The following IL34 variants were observed in gnomAD, a reference collection of about 807,000 sequenced individuals.
The protein encoded by IL34 is interleukin 34.
In IL34, 17 loss-of-function variants were observed where a neutral mutation model predicts 25.3. That is an observed-to-expected ratio of 0.67 (90% confidence interval 0.46 to 1.01). The LOEUF is 1.01. Among genes scored for constraint, IL34 ranks in the 50% least tolerant of loss-of-function variants. IL34 has a pLI of 0.00. For missense variants in IL34, 368 were observed against 312.9 expected (o/e 1.18, Z -1.33); for synonymous variants, 174 against 140.9 (o/e 1.23, Z -1.66).
chr16:70,582,948 G>T (rs1024178129), intron 1 of IL34, among the ~76,000 whole-genome samples: 1 of 152,180 alleles, frequency 6.6e-6, no homozygotes, highest in Admixed American at 6.6e-5. Flanking sequence ...AAGCCGAGTT[G>T]AGTTTGGAGA....
At chr16:70,619,709 A>G (rs1040916345) in intron 1 of IL34, among the ~76,000 whole-genome samples, 44 of 152,202 alleles carry the variant, frequency 2.9e-4, no homozygotes, top group Admixed American at 2.4e-3. Context: ...TTTCGAGGCG[A>G]TCGGGCAGTG....
chr16:70,650,931 A>T (rs759612052), intron 1 of IL34, among the ~76,000 whole-genome samples: 12 of 152,214 alleles, frequency 7.9e-5, no homozygotes, highest in Admixed American at 2.6e-4. Context: ...TGCGTTATGG[A>T]TTCACACACA....
At chr16:70,592,131 C>T (rs1435343527) in intron 1 of IL34, among the ~76,000 whole-genome samples, 1 of 151,708 alleles carries the variant, frequency 6.6e-6, no homozygotes, top group African/African-American at 2.4e-5. Flanking sequence ...CATACTGGGT[C>T]ACTCCATAGC....
At position 70,660,635 on chromosome 16, in the gene IL34, G is replaced by T. The variant is rs1053426620; in HGVS notation, c.*448G>T. 1.8e-5 allele frequency: 3 copies of T among 164,996 alleles called. No homozygotes were observed. Among genetic ancestry groups the T allele is most frequent in the East Asian group, 3.6e-4 (2 of 5,624 alleles). The allele number at this position is 164,996 out of a possible 1,614,324, so 10.2% of individuals were successfully genotyped here. On this transcript the variant is annotated 3_prime_UTR_variant, in exon 6 of 6. Coordinates refer to ENST00000288098, the MANE Select transcript of IL34 (RefSeq NM_001393494.1). The stretch of plus-strand genomic sequence containing the variant: ...CCAAGTGCCACATCTTGCCATAGTG[G>T]ATGCTCTTCCAGTTTCTTTTTTCTA...
At chr16:70,608,932 G>A (rs2051050681) in intron 1 of IL34, among the ~76,000 whole-genome samples, 1 of 152,148 alleles carries the variant, frequency 6.6e-6, no homozygotes. Flanking sequence ...GGTTCCAATT[G>A]TGCTTCCCTT....
intron 1 of IL34, among the ~76,000 whole-genome samples, chr16:70,626,932 T>C (rs1364300598): frequency 3.3e-5 from 5 of 152,226 alleles, no homozygotes; most frequent in Non-Finnish European, 7.3e-5. Context: ...TTAGTTTCTC[T>C]TTCTGTTCAT....
At chr16:70,650,944 C>T (rs772308969) in intron 1 of IL34, among the ~76,000 whole-genome samples, 5 of 152,272 alleles carry the variant, frequency 3.3e-5, no homozygotes, top group Non-Finnish European at 7.3e-5. Context: ...CACACACAGG[C>T]TCACGCCTGT....
At chr16:70,630,498 C>A (rs1244756323) in intron 1 of IL34, among the ~76,000 whole-genome samples, 1 of 151,910 alleles carries the variant, frequency 6.6e-6, no homozygotes, top group African/African-American at 2.4e-5. Context: ...TCCCAAAGTG[C>A]TGGGATTACA....
chr16:70,581,483 C>G (rs1164402270), intron 1 of IL34, among the ~76,000 whole-genome samples: 1 of 150,528 alleles, frequency 6.6e-6, no homozygotes, highest in Non-Finnish European at 1.5e-5. Context: ...AATGAATACT[C>G]TGGGCCAAGG....
chr16:70,615,839 G>C (rs1001601082), intron 1 of IL34, among the ~76,000 whole-genome samples: 1 of 152,060 alleles, frequency 6.6e-6, no homozygotes, highest in East Asian at 1.9e-4. Context: ...CGTGGTCTCA[G>C]CTACTCGGAA....
chr16:70,631,329 G>C (rs1194014833), intron 1 of IL34, among the ~76,000 whole-genome samples: 1 of 152,162 alleles, frequency 6.6e-6, no homozygotes, highest in African/African-American at 2.4e-5. Context: ...TTATTGGTTT[G>C]ATTCTCTTCG....
intron 1 of IL34, among the ~76,000 whole-genome samples, chr16:70,590,772 G>A (rs1347124921): frequency 2.0e-5 from 3 of 152,188 alleles, no homozygotes; most frequent in Admixed American, 2.0e-4. Context: ...AACCCAGGCA[G>A]TCCGGCTTGA....
intron 1 of IL34, among the ~76,000 whole-genome samples, chr16:70,601,900 C>T (rs1366097407): frequency 6.6e-6 from 1 of 152,234 alleles, no homozygotes; most frequent in Non-Finnish European, 1.5e-5. Flanking sequence ...CCAGCCCGAG[C>T]CCAGACAGAG....
At chr16:70,632,470 G>C (rs1403280726) in intron 1 of IL34, among the ~76,000 whole-genome samples, 1 of 152,186 alleles carries the variant, frequency 6.6e-6, no homozygotes, top group Non-Finnish European at 1.5e-5. Flanking sequence ...CTTCAGGTGG[G>C]CATTTTGGGG....
At chr16:70,616,622 T>G (rs555185810) in intron 1 of IL34, among the ~76,000 whole-genome samples, 2 of 152,162 alleles carry the variant, frequency 1.3e-5, no homozygotes, top group African/African-American at 2.4e-5. Flanking sequence ...TTAGTTCTTA[T>G]AGGTTTTGGG....
At chr16:70,637,463 C>T (rs2051680848) in intron 1 of IL34, among the ~76,000 whole-genome samples, 1 of 152,122 alleles carries the variant, frequency 6.6e-6, no homozygotes, top group East Asian at 1.9e-4. Context: ...ATTCTCCTGC[C>T]TCAGCCTCCC....
At chr16:70,590,844 C>G (rs1347480559) in intron 1 of IL34, among the ~76,000 whole-genome samples, 1 of 152,162 alleles carries the variant, frequency 6.6e-6, no homozygotes, top group Non-Finnish European at 1.5e-5. Flanking sequence ...CTCTCCCTGC[C>G]CCCGCCCCTG....
At chr16:70,645,720 A>G (rs1440695868), upstream of IL34, among the ~76,000 whole-genome samples, 2 of 152,154 alleles carry the variant, frequency 1.3e-5, no homozygotes, top group Admixed American at 6.6e-5. Context: ...GAGATTTTGC[A>G]CTTCCATGAG....
Position 70,608,098 on chromosome 16 carries a change from T to G in IL34, c.-401+28049T>G, listed in dbSNP as rs902944130. On this transcript the variant is annotated intron_variant, in intron 1 of 6. Transcript: ENST00000429149. The stretch of plus-strand genomic sequence containing the variant: ...TTCTTTTTTTAGTTTGTTAACATGG[T>G]GAATTATGATGATTGATTTTCTTTT... 2.0e-5 allele frequency among the ~76,000 whole-genome samples: 3 copies of G among 148,544 alleles called. No homozygotes were observed. In the South Asian group the frequency reaches 6.4e-4, roughly 32 times the overall value.
Sources: allele counts gnomAD v4.1 joint callset (sites outside exome capture counted in the v4.1 genomes callset), GRCh38; gene constraint gnomAD v4.1.1; transcripts MANE v1.5; gene names NCBI Gene and HGNC (gene_info 2026-07-23, HGNC 2026-07-21).